Variants in SARNP observed in about 807,000 individuals in gnomAD.
The protein encoded by SARNP is SAP domain containing ribonucleoprotein.
A neutral mutation model predicts 38.1 loss-of-function variants in SARNP; 5 were observed. The observed-to-expected ratio is 0.13, with a 90% CI of 0.07 to 0.28. The LOEUF (loss-of-function observed/expected upper bound fraction) is 0.28, where lower values mean the gene tolerates loss of function less well. Among genes scored for constraint, SARNP ranks in the 10% least tolerant of loss-of-function variants. SARNP has a pLI of 1.00. For missense variants in SARNP, 180 were observed against 243.9 expected, an observed-to-expected ratio of 0.74 and a Z score of 1.75; for synonymous variants, 84 against 80.6, an observed-to-expected ratio of 1.04 and a Z score of -0.23.
intron 9 of SARNP, among the ~76,000 whole-genome samples, chr12:55,773,843 C>T (rs1414073302): frequency 6.6e-6 from 1 of 152,072 alleles, no homozygotes; most frequent in Non-Finnish European, 1.5e-5. Flanking sequence ...TCCTGAGTAG[C>T]TGGGAATACA....
chr12:55,782,391 TA>T (rs1158995111), intron 9 of SARNP, among the ~76,000 whole-genome samples: 1 of 152,224 alleles, frequency 6.6e-6, no homozygotes, highest in Admixed American at 6.5e-5. Flanking sequence ...TATAATGTCC[TA>T]AAGTATGAAG....
At chr12:55,809,351 G>A (rs1565684098) in intron 1 of SARNP, among the ~76,000 whole-genome samples, 3 of 152,024 alleles carry the variant, frequency 2.0e-5, no homozygotes, top group Non-Finnish European at 4.4e-5. Flanking sequence ...GGCTGAGATG[G>A]AAAGATCACT....
chr12:55,776,819 A>G (rs1277325350), intron 9 of SARNP, among the ~76,000 whole-genome samples: 1 of 152,250 alleles, frequency 6.6e-6, no homozygotes, highest in Non-Finnish European at 1.5e-5. Flanking sequence ...TTCAAAAGAA[A>G]AAAGAAAAAA....
intron 9 of SARNP, among the ~76,000 whole-genome samples, chr12:55,787,973 T>C (rs1396210620): frequency 1.3e-5 from 2 of 151,820 alleles, no homozygotes; most frequent in African/African-American, 4.8e-5. Flanking sequence ...ATGGTCTCAA[T>C]CTCCTGACCT....
intron 7 of SARNP, among the ~76,000 whole-genome samples, chr12:55,792,380 T>G (rs910847341): frequency 6.6e-6 from 1 of 152,120 alleles, no homozygotes; most frequent in Non-Finnish European, 1.5e-5. Flanking sequence ...ATGTTCTTTT[T>G]GTTTTTTTGA....
intron 1 of SARNP, among the ~76,000 whole-genome samples, chr12:55,813,016 G>T (rs1055202693): frequency 6.6e-6 from 1 of 151,784 alleles, no homozygotes; most frequent in Non-Finnish European, 1.5e-5. Flanking sequence ...GCGCGATCTC[G>T]GCTCCTGCAA....
Sources: gnomAD v4.1 joint callset for allele counts (sites outside exome capture counted in the v4.1 genomes callset) on GRCh38, gnomAD v4.1.1 for gene constraint, MANE v1.5 for transcripts, NCBI Gene and HGNC (gene_info 2026-07-23, HGNC 2026-07-21) for gene names.